Variants in COX4I2 observed in about 807,000 individuals in gnomAD.
COX4I2 encodes the protein cytochrome c oxidase subunit 4I2.
COX4I2 carries 15 observed loss-of-function variants against 20.8 expected under a neutral mutation model. The observed-to-expected ratio is 0.72, with a 90% confidence interval of 0.48 to 1.11. The LOEUF is 1.11. Among genes scored for constraint, COX4I2 ranks in the 50% most tolerant of loss-of-function variants. The pLI is 0.00. For synonymous variants in COX4I2, 80 were observed against 78.1 expected, an observed-to-expected ratio of 1.02 and a Z score of -0.13; for missense variants, 224 against 223.0, an observed-to-expected ratio of 1.00 and a Z score of -0.03.
At chr20:31,641,497 C>T (rs1051512303) in intron 3 of COX4I2, among the ~76,000 whole-genome samples, 1 of 152,218 alleles carries the variant, frequency 6.6e-6, no homozygotes, top group Non-Finnish European at 1.5e-5. Context: ...AGGTTGCTCT[C>T]GTTAGCTCAC....
chr20:31,638,482 C>CA (rs1307238149), intron 1 of COX4I2, among the ~76,000 whole-genome samples: 1 of 89,392 alleles, frequency 1.1e-5, no homozygotes, highest in Non-Finnish European at 2.4e-5. Flanking sequence ...CCAGTCCCCA[C>CA]CCCAACCAGA....
chr20:31,644,784 G>T lies in COX4I2; in HGVS notation c.396G>T (p.Pro132=). 1 of 1,613,990 alleles carries T rather than the reference G, an allele frequency of 6.2e-7. No individual in the cohort carries two copies. Among genetic ancestry groups the T allele is most frequent in the Non-Finnish European group, 8.5e-7 (1 of 1,179,990 alleles). The change falls in exon 5 of 5, where the codon CCG becomes CCT. Residue 132 remains proline, a synonymous_variant. Coordinates refer to ENST00000376075, the MANE Select transcript of COX4I2 (RefSeq NM_032609.3). ...WQRVYVFPPK[P]ITLTDERKAQ... The stretch of plus-strand genomic sequence containing the variant: ...TCCCTGCAGTATTTCCTCCAAAGCC[G>T]ATCACCTTGACGGACGAGCGGAAAG...
intron 4 of COX4I2, among the ~76,000 whole-genome samples, chr20:31,643,789 TGA>T (rs1359258017): frequency 2.0e-5 from 3 of 152,194 alleles, no homozygotes; most frequent in Non-Finnish European, 2.9e-5. Flanking sequence ...AGGATTTTAA[TGA>T]GAGAGGGCTG....
rs546252703 is a variant in COX4I2 at position 31,639,381 on chromosome 20, G to C, written c.82+282G>C. The C allele has an allele frequency of 1.1e-5, 8 of 703,428 alleles. No individual in the cohort carries two copies. The South Asian group carries it at 5.1e-4, about 45-fold the overall frequency. The allele number at this position is 703,428 out of a possible 1,614,324, so 43.6% of individuals were successfully genotyped here. On this transcript the variant is annotated intron_variant, in intron 2 of 4. Transcript: ENST00000376075. ...TGTTCTGAGGTGGAGGATGCTGACA[G>C]AACCTTGGACCCTGATTCCTCCTTT...
chr20:31,639,010 GCCCCCAGATGCT>G lies in COX4I2; in HGVS notation c.1-3_9del. On this transcript the variant is annotated splice_acceptor_variant and splice_polypyrimidine_tract_variant and coding_sequence_variant and 5_prime_UTR_variant and intron_variant, in exon 2 of 5. Transcript: ENST00000376075. LOFTEE classifies it high-confidence loss of function. ...GGGCAGAACTCATCTATACCTTCAC[GCCCCCAGATGCT>G]CCCCAGAGCTGCCTGGAGCTTGGTG... 1 of 1,607,532 alleles carries G rather than the reference GCCCCCAGATGCT, an allele frequency of 6.2e-7. No homozygotes were observed. Among genetic ancestry groups the G allele is most frequent in the African/African-American group, 1.3e-5 (1 of 74,998 alleles).
intron 2 of COX4I2, 48 bp from the exon 3 acceptor site, chr20:31,639,885 G>T (rs991107381): frequency 1.9e-6 from 3 of 1,607,368 alleles, no homozygotes; most frequent in Non-Finnish European, 2.6e-6. Context: ...TTAGAGATAG[G>T]GTGTCCCAAG....
At chr20:31,643,692 TTTGAATG>T (rs1409549923) in intron 4 of COX4I2, among the ~76,000 whole-genome samples, 157 bp downstream of exon 4, 2 of 152,124 alleles carry the variant, frequency 1.3e-5, no homozygotes, top group Non-Finnish European at 2.9e-5. Context: ...GCTGTCTAGG[TTTGAATG>T]CAGGAACTTT....
intron 4 of COX4I2, among the ~76,000 whole-genome samples, chr20:31,644,378 G>A (rs2060484451): frequency 6.6e-6 from 1 of 152,212 alleles, no homozygotes; most frequent in African/African-American, 2.4e-5. Flanking sequence ...GAGAGATGAA[G>A]TGACTTGTTG....
At chr20:31,640,158 G>A (rs978264178) in intron 3 of COX4I2, 61 bp downstream of exon 3, 5 of 1,526,648 alleles carry the variant, frequency 3.3e-6, no homozygotes, top group East Asian at 4.8e-5. Context: ...TGGAAAGAAT[G>A]GCCTGTCAGG....
rs1038204515 is a variant in COX4I2, at chr20:31,644,954, T to C, written c.*50T>C. 4 of 1,599,374 alleles carry C rather than the reference T, an allele frequency of 2.5e-6. No homozygotes were observed. The highest frequency in any genetic ancestry group is 3.4e-6 in the Non-Finnish European group (4 of 1,172,776). On this transcript the variant is annotated 3_prime_UTR_variant, in exon 5 of 5. Coordinates refer to ENST00000376075, the MANE Select transcript of COX4I2 (RefSeq NM_032609.3). ...AGGCTCCGCCCTGGCTGGGAGCCTC[T>C]GGCGGCCCCTCCCCTCCCCTGCCCT...
At position 31,643,388 on chromosome 20, in the gene COX4I2, A is replaced by C. The variant is rs202205937; in HGVS notation, c.248-16A>C. ...GACGCACCTGAGGCCCCTTCCCCAC[A>C]CCCAACTGCCTCCAGTGTACCGGCT... On this transcript the variant is annotated splice_polypyrimidine_tract_variant and intron_variant, in intron 3 of 4. Coordinates refer to ENST00000376075, the MANE Select transcript of COX4I2 (RefSeq NM_032609.3). 2.0e-5 allele frequency: 32 copies of C among 1,613,666 alleles called. No homozygotes were observed. In the South Asian group the frequency reaches 3.5e-4, roughly 18 times the overall value.
Position 31,643,429 on chromosome 20 carries a change from C to T in COX4I2, c.273C>T (p.Thr91=), listed in dbSNP as rs537859985. The part of the protein sequence containing the change: ...VALYRLQFNE[T]FAEMNRRSNE... Reference sequence around the variant, plus strand: ...TGTACCGGCTCCAGTTCAATGAGACCTTTGCGGAGATGAACCGTCGCTCCA... The same window carrying T: ...TGTACCGGCTCCAGTTCAATGAGACTTTTGCGGAGATGAACCGTCGCTCCA... The change falls in exon 4 of 5, where the codon ACC becomes ACT. Residue 91 remains threonine, a synonymous_variant. Coordinates refer to ENST00000376075, the MANE Select transcript of COX4I2 (RefSeq NM_032609.3). 1.2e-6 allele frequency: 2 copies of T among 1,614,172 alleles called. No individual in the cohort carries two copies. Among genetic ancestry groups the T allele is most frequent in the Non-Finnish European group, 1.7e-6 (2 of 1,180,040 alleles).
chr20:31,644,146 C>T (rs2060483339), intron 4 of COX4I2, among the ~76,000 whole-genome samples: 1 of 152,204 alleles, frequency 6.6e-6, no homozygotes, highest in East Asian at 1.9e-4. Flanking sequence ...ACACTCTTAC[C>T]TACTTCCTAC....
intron 3 of COX4I2, among the ~76,000 whole-genome samples, chr20:31,641,481 G>A (rs1383999189): frequency 6.6e-6 from 1 of 152,212 alleles, no homozygotes; most frequent in African/African-American, 2.4e-5. Flanking sequence ...GCACCGCTGT[G>A]GCGTTAGGTT....
chr20:31,639,812 T>A, intron 2 of COX4I2, 121 bp from the exon 3 acceptor site: 6 of 1,115,638 alleles, frequency 5.4e-6, no homozygotes, highest in Non-Finnish European at 7.9e-6. Context: ...CGCCTCAGCC[T>A]CCCAAAATGC....
chr20:31,642,425 A>C (rs974504231), intron 3 of COX4I2, among the ~76,000 whole-genome samples: 3 of 143,892 alleles, frequency 2.1e-5, no homozygotes, highest in Admixed American at 7.0e-5. Context: ...TTACACACGT[A>C]GGGTAATTTT....
At chr20:31,643,277 C>T in intron 3 of COX4I2, 127 bp from the exon 4 acceptor site, 2 of 1,080,604 alleles carry the variant, frequency 1.9e-6, no homozygotes, top group South Asian at 1.3e-5. Flanking sequence ...CCTGGTCATG[C>T]TGTGCATATA....
chr20:31,638,119 C>T (rs1482973972), intron 1 of COX4I2, among the ~76,000 whole-genome samples, 157 bp downstream of exon 1: 1 of 152,072 alleles, frequency 6.6e-6, no homozygotes, highest in Non-Finnish European at 1.5e-5. Context: ...CCTGGGGAGT[C>T]TGCATATGTG....
chr20:31,640,157 T>TG (rs2060459722), intron 3 of COX4I2, 60 bp downstream of exon 3: 10 of 1,534,192 alleles, frequency 6.5e-6, no homozygotes, highest in Non-Finnish European at 7.9e-6. Context: ...TTGGAAAGAA[T>TG]GGCCTGTCAG....
Sources: gnomAD v4.1 joint callset for allele counts (sites outside exome capture counted in the v4.1 genomes callset) on GRCh38, gnomAD v4.1.1 for gene constraint, MANE v1.5 for transcripts, NCBI Gene and HGNC (gene_info 2026-07-23, HGNC 2026-07-21) for gene names.